ADISSP: variants seen among roughly 807,000 people sequenced by gnomAD.
ADISSP encodes adipose-secreted signaling protein.
At chr20:3,755,517 C>T in the ADISSP span, 1 of 1,613,202 alleles carries the variant, frequency 6.2e-7, no homozygotes, top group Non-Finnish European at 8.5e-7. Flanking sequence ...AGGCTGGGGA[C>T]AGGTGCCTCG....
the ADISSP span, among the ~76,000 whole-genome samples, chr20:3,756,387 G>A: frequency 2.0e-5 from 3 of 152,190 alleles, no homozygotes; most frequent in Non-Finnish European, 4.4e-5. Context: ...GGAAACTCCA[G>A]TAGTATGAAG....
At chr20:3,765,608 G>A in the ADISSP span, among the ~76,000 whole-genome samples, 88 of 152,328 alleles carry the variant, frequency 5.8e-4, no homozygotes, top group African/African-American at 2.1e-3. Context: ...CACCGTCAGA[G>A]AGGCACTTCA....
the ADISSP span, among the ~76,000 whole-genome samples, chr20:3,757,348 A>G: frequency 6.6e-6 from 1 of 152,166 alleles, no homozygotes; most frequent in Non-Finnish European, 1.5e-5. Context: ...CTCCGTCTCA[A>G]AAAGAAAAAA....
the ADISSP span, chr20:3,753,625 G>C: frequency 4.8e-6 from 1 of 210,216 alleles, no homozygotes; most frequent in Non-Finnish European, 9.9e-6. Context: ...CCTACTCATG[G>C]TGGACAGCAG....
chr20:3,763,031 A>G, the ADISSP span, among the ~76,000 whole-genome samples: 3 of 152,108 alleles, frequency 2.0e-5, no homozygotes, highest in African/African-American at 7.2e-5. Flanking sequence ...CAAGGCGGGT[A>G]GATCACCTGA....
chr20:3,762,249 G>A, the ADISSP span, among the ~76,000 whole-genome samples: 1 of 151,654 alleles, frequency 6.6e-6, no homozygotes, highest in Non-Finnish European at 1.5e-5. Flanking sequence ...TTCAGCCTGG[G>A]TGACACAGCG....
chr20:3,762,273 AG>A, the ADISSP span, among the ~76,000 whole-genome samples: 2 of 152,030 alleles, frequency 1.3e-5, no homozygotes, highest in African/African-American at 2.4e-5. Context: ...CTCTGTCTCA[AG>A]AAAAAAAAAA....
the ADISSP span, among the ~76,000 whole-genome samples, chr20:3,757,373 C>G: frequency 6.6e-6 from 1 of 152,048 alleles, no homozygotes; most frequent in Non-Finnish European, 1.5e-5. Context: ...GCTGAAATAA[C>G]ACACATCAGA....
At chr20:3,757,851 C>T in the ADISSP span, among the ~76,000 whole-genome samples, 1 of 152,068 alleles carries the variant, frequency 6.6e-6, no homozygotes, top group Admixed American at 6.6e-5. Flanking sequence ...TAAACCTGGG[C>T]CCCTTTTGAG....
chr20:3,756,396 AG>A, the ADISSP span, among the ~76,000 whole-genome samples: 1 of 152,190 alleles, frequency 6.6e-6, no homozygotes, highest in African/African-American at 2.4e-5. Context: ...AGTAGTATGA[AG>A]GGTCACAAGC....
chr20:3,768,152 TG>T, the ADISSP span: 1 of 152,356 alleles, frequency 6.6e-6, no homozygotes, highest in Non-Finnish European at 1.5e-5. Flanking sequence ...GTCTCGGGGC[TG>T]GGTGGAGCTC....
chr20:3,757,909 C>A, the ADISSP span, among the ~76,000 whole-genome samples: 6 of 152,132 alleles, frequency 3.9e-5, no homozygotes, highest in Non-Finnish European at 8.8e-5. Context: ...GGCCAGACCT[C>A]CCCCGACCCA....
chr20:3,768,240 GCTGAGGAAC>G, the ADISSP span: 14 of 152,264 alleles, frequency 9.2e-5, no homozygotes, highest in African/African-American at 2.7e-4. Context: ...TCGTTCAGGA[GCTGAGGAAC>G]CCTCCATCAC....
chr20:3,759,998 G>A, the ADISSP span: 979 of 1,603,544 alleles, frequency 6.1e-4, 6 homozygotes, highest in African/African-American at 0.01. The surrounding 1 kb of genome is among the most constrained non-coding windows in gnomAD (Gnocchi z 4.6). Context: ...CAGGTGGTGC[G>A]GGCCCTACCT....
chr20:3,761,832 C>A, the ADISSP span, among the ~76,000 whole-genome samples: 1 of 152,186 alleles, frequency 6.6e-6, no homozygotes, highest in African/African-American at 2.4e-5. Flanking sequence ...GAATCTAAAC[C>A]AGCCTCTAAC....
At chr20:3,754,628 C>T in the ADISSP span, 38 of 1,180,870 alleles carry the variant, frequency 3.2e-5, 1 homozygote, top group South Asian at 9.2e-5. Flanking sequence ...CATGCTAAGC[C>T]CCCCCAAGAA....
the ADISSP span, among the ~76,000 whole-genome samples, chr20:3,759,134 C>T: frequency 6.6e-6 from 1 of 152,188 alleles, no homozygotes; most frequent in Non-Finnish European, 1.5e-5. This position sits in a 1 kb window ranked among gnomAD's most constrained non-coding sequence, Gnocchi z 4.6. Context: ...TCCTCATGAC[C>T]CAAACCTGAA....
chr20:3,757,230 A>G, the ADISSP span, among the ~76,000 whole-genome samples: 3 of 152,066 alleles, frequency 2.0e-5, no homozygotes, highest in South Asian at 2.1e-4. Flanking sequence ...CGCGCCTGTA[A>G]TCCCAGCTAC....
the ADISSP span, among the ~76,000 whole-genome samples, chr20:3,763,978 T>A: frequency 6.6e-6 from 1 of 152,098 alleles, no homozygotes; most frequent in African/African-American, 2.4e-5. Context: ...AACCCCCTCT[T>A]GGAGGTGAGC....
Sources: gnomAD v4.1 joint callset for allele counts (sites outside exome capture counted in the v4.1 genomes callset) on GRCh38, gnomAD v4.1.1 for gene constraint, Gnocchi (gnomAD v3.1) non-coding constraint, MANE v1.5 for transcripts, NCBI Gene and HGNC (gene_info 2026-07-23, HGNC 2026-07-21) for gene names.